Variants in DACH1 observed in about 807,000 individuals in gnomAD.
The protein encoded by DACH1 is dachshund homolog 1.
Under a neutral mutation model 54.2 loss-of-function variants are expected in DACH1, and 12 were observed. The observed-to-expected ratio is 0.22, with a 90% CI of 0.14 to 0.36. DACH1 has a LOEUF of 0.36. Among genes scored for constraint, DACH1 ranks in the 10% least tolerant of loss-of-function variants. DACH1 has a pLI of 1.00. For missense variants in DACH1, 805 were observed against 929.8 expected (o/e 0.87, Z 1.75); for synonymous variants, 386 against 366.2 (o/e 1.05, Z -0.62).
chr13:71,672,102 GC>G (rs1428353086), intron 2 of DACH1, among the ~76,000 whole-genome samples: 3 of 152,024 alleles, frequency 2.0e-5, no homozygotes, highest in Non-Finnish European at 4.4e-5. Context: ...TATTCCAGAT[GC>G]CATCTGAAGT....
intron 3 of DACH1, among the ~76,000 whole-genome samples, chr13:71,586,874 G>A (rs899548872): frequency 2.0e-5 from 3 of 151,852 alleles, no homozygotes; most frequent in Non-Finnish European, 4.4e-5. Context: ...ATTTTCATTT[G>A]TATGAGTTGT....
chr13:71,840,094 G>A (rs552107598), intron 1 of DACH1, among the ~76,000 whole-genome samples: 32 of 151,960 alleles, frequency 2.1e-4, no homozygotes, highest in Non-Finnish European at 3.7e-4. Context: ...TTACAGGTGC[G>A]CACCACCACA....
chr13:71,686,059 C>T lies in DACH1; in HGVS notation c.849-4149G>A, dbSNP rs187625410. Among the ~76,000 whole-genome samples, 71 of 152,250 alleles carry T rather than the reference C, an allele frequency of 4.7e-4. 1 individual carries two copies. In the East Asian group the frequency reaches 9.3e-3, roughly 20 times the overall value. ...ATCAACCCATCATTTTCTATAAGAGCGACCCATTTCTATCCCAGAGGATTA... is the reference window on the plus strand; with the variant it reads ...ATCAACCCATCATTTTCTATAAGAGTGACCCATTTCTATCCCAGAGGATTA... On this transcript the variant is annotated intron_variant, in intron 1 of 10. Transcript: ENST00000613252.
At chr13:71,587,066 A>G (rs988287772) in intron 3 of DACH1, among the ~76,000 whole-genome samples, 1 of 152,126 alleles carries the variant, frequency 6.6e-6, no homozygotes, top group Admixed American at 6.6e-5. Context: ...CCCCAATAGC[A>G]AATGTCATTT....
chr13:71,559,395 T>C (rs1193578229), intron 5 of DACH1, among the ~76,000 whole-genome samples: 1 of 152,164 alleles, frequency 6.6e-6, no homozygotes, highest in East Asian at 1.9e-4. Flanking sequence ...GATTTCTCTT[T>C]GTGGATATCT....
At chr13:71,519,052 AGTT>A (rs1288182879) in intron 6 of DACH1, among the ~76,000 whole-genome samples, 3 of 151,838 alleles carry the variant, frequency 2.0e-5, no homozygotes, top group African/African-American at 4.8e-5. Context: ...GTAGTTGAGT[AGTT>A]GTGTAGACAG....
At chr13:71,588,027 G>A (rs548914149) in intron 3 of DACH1, among the ~76,000 whole-genome samples, 91 of 152,212 alleles carry the variant, frequency 6.0e-4, no homozygotes, top group African/African-American at 1.8e-3. Context: ...ATGTGACACC[G>A]TAAGTAATAA....
chr13:71,520,101 C>T (rs1460639026), intron 6 of DACH1, among the ~76,000 whole-genome samples: 2 of 150,898 alleles, frequency 1.3e-5, no homozygotes, highest in Non-Finnish European at 3.0e-5. Context: ...TATAAGGCAG[C>T]TTAGAGAGAA....
At chr13:71,800,834 T>A (rs1248181759) in intron 1 of DACH1, among the ~76,000 whole-genome samples, 1 of 151,066 alleles carries the variant, frequency 6.6e-6, no homozygotes, top group Non-Finnish European at 1.5e-5. Context: ...TTAATTATTA[T>A]TAATAATTTA....
At chr13:71,485,575 CTTTTTTT>C (rs68024614) in intron 7 of DACH1, among the ~76,000 whole-genome samples, 1 of 46,150 alleles carries the variant, frequency 2.2e-5, no homozygotes, top group Non-Finnish European at 3.9e-5. Flanking sequence ...TTCTTTTCTT[CTTTTTTT>C]TTTTTTTTTT....
intron 1 of DACH1, among the ~76,000 whole-genome samples, chr13:71,783,904 T>G (rs1886482823): frequency 6.7e-6 from 1 of 150,356 alleles, no homozygotes; most frequent in African/African-American, 2.4e-5. Context: ...TTAACTCTAT[T>G]TACTCACTAA....
intron 1 of DACH1, among the ~76,000 whole-genome samples, chr13:71,855,583 G>C (rs2046426888): frequency 6.6e-6 from 1 of 151,962 alleles, no homozygotes; most frequent in Non-Finnish European, 1.5e-5. Flanking sequence ...GTTAACTTCA[G>C]CTGTCCAACT....
chr13:71,564,356 C>T (rs1884774931), intron 4 of DACH1, among the ~76,000 whole-genome samples: 1 of 151,888 alleles, frequency 6.6e-6, no homozygotes, highest in Non-Finnish European at 1.5e-5. Flanking sequence ...TCAACACACT[C>T]CTTTATAGTC....
chr13:71,593,361 A>G (rs1873867865), intron 3 of DACH1, among the ~76,000 whole-genome samples: 1 of 152,154 alleles, frequency 6.6e-6, no homozygotes, highest in Admixed American at 6.5e-5. Flanking sequence ...TGATCATCTG[A>G]AAGCTTTTAC....
intron 1 of DACH1, among the ~76,000 whole-genome samples, chr13:71,861,582 A>T (rs544462716): frequency 6.6e-6 from 1 of 152,120 alleles, no homozygotes; most frequent in East Asian, 1.9e-4. Context: ...AAATTGTGGA[A>T]CCAAGCAAAC....
intron 6 of DACH1, among the ~76,000 whole-genome samples, chr13:71,507,178 C>CCGAT: frequency 1.3e-5 from 2 of 152,230 alleles, no homozygotes; most frequent in South Asian, 4.1e-4. Flanking sequence ...TTATACATCC[C>CCGAT]CGATCTATCC....
chr13:71,474,298 C>T (rs140048826), intron 10 of DACH1, among the ~76,000 whole-genome samples: 138 of 152,194 alleles, frequency 9.1e-4, no homozygotes, highest in Non-Finnish European at 1.7e-3. Context: ...ACACAATTAA[C>T]GTCATATGAT....
chr13:71,547,428 T>C (rs1883530273), intron 6 of DACH1, among the ~76,000 whole-genome samples: 1 of 152,130 alleles, frequency 6.6e-6, no homozygotes, highest in Non-Finnish European at 1.5e-5. Context: ...GCTTCATCTG[T>C]CAATTTCACA....
At chr13:71,463,401 TA>T (rs1335604675) in intron 10 of DACH1, among the ~76,000 whole-genome samples, 2 of 152,004 alleles carry the variant, frequency 1.3e-5, no homozygotes, top group African/African-American at 4.8e-5. Flanking sequence ...ATCACATTAC[TA>T]AACTTTACAT....
Sources: gnomAD v4.1 joint callset for allele counts (sites outside exome capture counted in the v4.1 genomes callset) on GRCh38, gnomAD v4.1.1 for gene constraint, MANE v1.5 for transcripts, NCBI Gene and HGNC (gene_info 2026-07-23, HGNC 2026-07-21) for gene names.